LRFN5: variants seen among roughly 807,000 people sequenced by gnomAD.
The protein encoded by LRFN5 is leucine-rich repeat and fibronectin type-III domain-containing protein 5.
LRFN5 carries 24 observed loss-of-function variants against 45.6 expected under a neutral mutation model. The observed-to-expected ratio is 0.53, with a 90% confidence interval of 0.38 to 0.74. The LOEUF (loss-of-function observed/expected upper bound fraction) is 0.74. Ranked by LOEUF, LRFN5 falls within the 30% of genes least tolerant of loss-of-function variation. LRFN5 has a pLI of 0.00. For missense variants in LRFN5, 776 were observed against 861.5 expected (o/e 0.90, Z 1.24); for synonymous variants, 340 against 313.8 (o/e 1.08, Z -0.88).
chr14:41,641,415 G>A (rs1879571515), intron 1 of LRFN5, among the ~76,000 whole-genome samples: 1 of 152,010 alleles, frequency 6.6e-6, no homozygotes, highest in South Asian at 2.1e-4. Flanking sequence ...GGTTGGATGG[G>A]AAGACTAACA....
Position 41,620,590 on chromosome 14 carries a change from T to C in LRFN5, c.-197+12028T>C, listed in dbSNP as rs57866164. 5.0e-3 allele frequency among the ~76,000 whole-genome samples: 768 copies of C among 152,184 alleles called. 4 individuals carry two copies. The highest frequency in any genetic ancestry group is 0.018 in the African/African-American group (745 of 41,552). ...ATTTGTGTAACTTTTTTCCCACTGA[T>C]GTCTATCTGTTTAATAGTTCTATTT... On this transcript the variant is annotated intron_variant, in intron 1 of 5. Coordinates refer to ENST00000298119, the MANE Select transcript of LRFN5 (RefSeq NM_152447.5).
intron 1 of LRFN5, among the ~76,000 whole-genome samples, chr14:41,733,896 G>A (rs936021977): frequency 3.3e-5 from 5 of 150,854 alleles, no homozygotes; most frequent in Admixed American, 2.6e-4. Flanking sequence ...TGCAAGTAGG[G>A]TATTGAAGTA....
intron 1 of LRFN5, among the ~76,000 whole-genome samples, chr14:41,710,709 T>G (rs1188182944): frequency 6.6e-6 from 1 of 152,166 alleles, no homozygotes; most frequent in Non-Finnish European, 1.5e-5. Context: ...CAAGCTGGTG[T>G]GCTGCACCCA....
intron 1 of LRFN5, among the ~76,000 whole-genome samples, chr14:41,630,603 T>G (rs144546260): frequency 6.6e-6 from 1 of 152,106 alleles, no homozygotes; most frequent in Non-Finnish European, 1.5e-5. Flanking sequence ...AAACATTGAG[T>G]AGAATTTCAT....
intron 2 of LRFN5, among the ~76,000 whole-genome samples, chr14:41,843,503 G>A (rs906622329): frequency 6.6e-6 from 1 of 151,956 alleles, no homozygotes; most frequent in Non-Finnish European, 1.5e-5. Flanking sequence ...CTACCCCTCT[G>A]TTATAAAAAT....
chr14:41,726,940 C>G (rs1322002147), intron 1 of LRFN5, among the ~76,000 whole-genome samples: 1 of 152,114 alleles, frequency 6.6e-6, no homozygotes, highest in Non-Finnish European at 1.5e-5. Flanking sequence ...TATTTACTTT[C>G]AGTTTCTTTA....
chr14:41,896,628 T>C lies in LRFN5; in HGVS notation c.2099-2289T>C, dbSNP rs181742282. 3.7e-4 allele frequency among the ~76,000 whole-genome samples: 56 copies of C among 152,304 alleles called. No individual in the cohort carries two copies. The East Asian group carries it at 6.9e-3, about 19-fold the overall frequency. ...GAATAATCAAAATTAATATTTGAAT[T>C]TTTACTTTCAAAGGACAGATTGCCC... On this transcript the variant is annotated intron_variant, in intron 4 of 5. Coordinates refer to ENST00000298119, the MANE Select transcript of LRFN5 (RefSeq NM_152447.5).
chr14:41,673,820 C>T (rs980452651), intron 1 of LRFN5, among the ~76,000 whole-genome samples: 11 of 147,712 alleles, frequency 7.4e-5, no homozygotes, highest in African/African-American at 2.2e-4. Context: ...ACCTCATTCC[C>T]GGATGGGGCA....
At chr14:41,723,670 C>T (rs1883816014) in intron 1 of LRFN5, among the ~76,000 whole-genome samples, 1 of 152,020 alleles carries the variant, frequency 6.6e-6, no homozygotes, top group Non-Finnish European at 1.5e-5. Flanking sequence ...TCTCGTTGCC[C>T]AGGAGAAACC....
intron 2 of LRFN5, among the ~76,000 whole-genome samples, chr14:41,799,983 G>A (rs548035455): frequency 5.9e-5 from 9 of 151,906 alleles, no homozygotes; most frequent in East Asian, 1.9e-4. Flanking sequence ...GGACAGGGAA[G>A]GGAAGGAAAA....
At chr14:41,760,384 T>A (rs1312212373) in intron 1 of LRFN5, among the ~76,000 whole-genome samples, 1 of 152,164 alleles carries the variant, frequency 6.6e-6, no homozygotes, top group Non-Finnish European at 1.5e-5. Flanking sequence ...CACTGTGCCT[T>A]GCTTCTATTA....
At chr14:41,850,614 AAC>A (rs376872269) in intron 2 of LRFN5, among the ~76,000 whole-genome samples, 153 of 151,994 alleles carry the variant, frequency 1.0e-3, no homozygotes, top group African/African-American at 3.5e-3. Context: ...TAAAAAGAAT[AAC>A]AGTTTAATGT....
intron 2 of LRFN5, among the ~76,000 whole-genome samples, chr14:41,784,531 C>G (rs1019438288): frequency 2.6e-5 from 4 of 151,862 alleles, no homozygotes. Context: ...TGTAGGTAGA[C>G]TGCTGACATA....
At chr14:41,624,766 G>A (rs1157385445) in intron 1 of LRFN5, among the ~76,000 whole-genome samples, 1 of 152,150 alleles carries the variant, frequency 6.6e-6, no homozygotes, top group African/African-American at 2.4e-5. Flanking sequence ...TCTAAATCAT[G>A]CTTTTTTAAA....
At chr14:41,890,845 C>T (rs929248249) in intron 3 of LRFN5, among the ~76,000 whole-genome samples, 1 of 152,064 alleles carries the variant, frequency 6.6e-6, no homozygotes, top group Non-Finnish European at 1.5e-5. Context: ...ATGTGATTGT[C>T]AACATTTTTC....
intron 2 of LRFN5, among the ~76,000 whole-genome samples, chr14:41,768,534 AT>A (rs1214120202): frequency 6.6e-6 from 1 of 152,060 alleles, no homozygotes; most frequent in African/African-American, 2.4e-5. Flanking sequence ...TTAGATTTCC[AT>A]TAAATAAAAC....
At chr14:41,624,063 C>A (rs1289522854) in intron 1 of LRFN5, among the ~76,000 whole-genome samples, 1 of 152,010 alleles carries the variant, frequency 6.6e-6, no homozygotes, top group Non-Finnish European at 1.5e-5. Flanking sequence ...GAAACAGTTC[C>A]TACGCCTCTA....
chr14:41,648,395 G>A (rs887457246), intron 1 of LRFN5, among the ~76,000 whole-genome samples: 6 of 151,862 alleles, frequency 4.0e-5, no homozygotes, highest in Non-Finnish European at 8.8e-5. Flanking sequence ...TAACCATATA[G>A]AATTCAATAG....
chr14:41,789,722 C>G (rs866173897), intron 2 of LRFN5, among the ~76,000 whole-genome samples: 7 of 151,866 alleles, frequency 4.6e-5, no homozygotes, highest in African/African-American at 1.5e-4. Context: ...GTGTGCTGTT[C>G]TTTTCTAATT....
Sources: gnomAD v4.1 joint callset for allele counts (sites outside exome capture counted in the v4.1 genomes callset) on GRCh38, gnomAD v4.1.1 for gene constraint, MANE v1.5 for transcripts, NCBI Gene and HGNC (gene_info 2026-07-23, HGNC 2026-07-21) for gene names.